Variants in KLHL32 observed in about 807,000 individuals in gnomAD.
KLHL32 encodes the protein kelch-like protein 32.
KLHL32 carries 35 observed loss-of-function variants against 64.8 expected under a neutral mutation model. That is an observed-to-expected ratio of 0.54 (90% CI 0.41 to 0.72). The LOEUF (loss-of-function observed/expected upper bound fraction) is 0.72. Among genes scored for constraint, KLHL32 ranks in the 30% least tolerant of loss-of-function variants. KLHL32 has a pLI of 0.00. For missense variants in KLHL32, 589 were observed against 768.5 expected (o/e 0.77, Z 2.76); for synonymous variants, 259 against 281.0 (o/e 0.92, Z 0.78).
chr6:97,085,307 G>T lies in KLHL32; in HGVS notation c.593G>T (p.Arg198Leu). 6.2e-7 allele frequency: 1 copy of T among 1,612,994 alleles called. No homozygotes were observed. Among genetic ancestry groups the T allele is most frequent in the Non-Finnish European group, 8.5e-7 (1 of 1,180,014 alleles). Residue 198 changes from arginine to leucine, a missense_variant, in exon 6 of 11, where the codon CGC becomes CTC. Transcript: ENST00000369261. ...CLLQEVLKSD[R>L]LTSLSEEQIW... is the part of the protein sequence containing the mutation. ...CTTCAGGAGGTGCTGAAGAGCGACC[G>T]CCTGACCTCCCTGAGTGAAGAGCAG...
intron 1 of KLHL32, among the ~76,000 whole-genome samples, chr6:96,932,561 AT>A (rs1437092681): frequency 2.8e-4 from 31 of 109,650 alleles, no homozygotes; most frequent in Non-Finnish European, 4.9e-4. Context: ...AAAGTTGTCA[AT>A]TTCCCCCCCC....
Position 97,139,192 on chromosome 6 carries a change from A to G in KLHL32, c.1773A>G (p.Gly591=), listed in dbSNP as rs1359084169. ...YGPTLPFASN[G]IAACFLPAPY... is the part of the protein sequence containing the mutation. ...CTACACTCCCTTTTGCTTCCAATGG[A>G]ATAGCAGCATGCTTCCTTCCAGCTC... Residue 591 remains glycine (G), a synonymous_variant, in exon 11 of 11, where the codon GGA becomes GGG. Transcript: ENST00000369261. 1 of 1,613,932 alleles carries G rather than the reference A, an allele frequency of 6.2e-7. No individual in the cohort carries two copies. Among genetic ancestry groups the G allele is most frequent in the Non-Finnish European group, 8.5e-7 (1 of 1,179,918 alleles).
At chr6:97,015,787 C>T (rs1324533663) in intron 3 of KLHL32, among the ~76,000 whole-genome samples, 1 of 151,934 alleles carries the variant, frequency 6.6e-6, no homozygotes, top group Non-Finnish European at 1.5e-5. Context: ...GGTGGCAGCC[C>T]CTCCCATCAG....
chr6:97,093,589 T>C (rs943312942), intron 6 of KLHL32, among the ~76,000 whole-genome samples: 57 of 152,206 alleles, frequency 3.7e-4, no homozygotes, highest in African/African-American at 1.4e-3. Context: ...CATTTCCTAA[T>C]ACATTACCAG....
chr6:97,127,801 G>A (rs1391938919), intron 8 of KLHL32, among the ~76,000 whole-genome samples: 1 of 152,168 alleles, frequency 6.6e-6, no homozygotes, highest in Non-Finnish European at 1.5e-5. Flanking sequence ...TAAAAAACAA[G>A]TATTAACTTA....
chr6:96,989,560 T>G lies in KLHL32; in HGVS notation c.204+13383T>G, dbSNP rs146731135. Among the ~76,000 whole-genome samples the G allele has an allele frequency of 3.5e-3, 527 of 152,338 alleles. 4 individuals are homozygous for G. The highest frequency in any genetic ancestry group is 5.8e-3 in the Non-Finnish European group (393 of 68,034). On this transcript the variant is annotated intron_variant, in intron 3 of 10. Transcript: ENST00000369261. ...TTTCTTTCATGTGAGCCTTGGAGAATCTGACAACTGTGCGTCTTGGGGATG... is the reference window on the plus strand; with the variant it reads ...TTTCTTTCATGTGAGCCTTGGAGAAGCTGACAACTGTGCGTCTTGGGGATG...
intron 7 of KLHL32, among the ~76,000 whole-genome samples, chr6:97,116,999 T>C (rs1797865698): frequency 6.6e-6 from 1 of 152,226 alleles, no homozygotes. Flanking sequence ...CTTTGCTGTG[T>C]ACAGTACAAT....
intron 3 of KLHL32, among the ~76,000 whole-genome samples, chr6:97,036,131 G>A (rs896907438): frequency 1.8e-4 from 28 of 151,692 alleles, no homozygotes; most frequent in Non-Finnish European, 3.2e-4. Context: ...GTTCTCTGTC[G>A]CATTTTTTTA....
intron 1 of KLHL32, among the ~76,000 whole-genome samples, chr6:96,943,119 T>C (rs373086183): frequency 1.3e-5 from 2 of 150,704 alleles, no homozygotes; most frequent in East Asian, 2.0e-4. Context: ...CATATACACA[T>C]ACCAGCATAT....
intron 3 of KLHL32, among the ~76,000 whole-genome samples, chr6:97,011,812 T>C (rs1452616498): frequency 1.3e-5 from 2 of 152,210 alleles, no homozygotes; most frequent in Admixed American, 1.3e-4. Flanking sequence ...GAAATAATGA[T>C]TGTTATTCAA....
chr6:97,060,933 C>G (rs752996720), intron 4 of KLHL32, among the ~76,000 whole-genome samples: 13 of 152,068 alleles, frequency 8.5e-5, no homozygotes, highest in African/African-American at 3.1e-4. Flanking sequence ...GGGAATCAGT[C>G]GTGGCCCTCT....
intron 6 of KLHL32, among the ~76,000 whole-genome samples, chr6:97,111,389 G>C (rs897573766): frequency 6.6e-6 from 1 of 152,210 alleles, no homozygotes; most frequent in South Asian, 2.1e-4. Context: ...ACCCCTTCAC[G>C]GGCGGGAACT....
chr6:97,010,109 A>T (rs1780178590), intron 3 of KLHL32: 1 of 143,588 alleles, frequency 7.0e-6, no homozygotes, highest in Non-Finnish European at 1.5e-5. Context: ...AAGGAAAAGG[A>T]TCAGGCACTG....
At chr6:97,107,271 C>T (rs908114114) in intron 6 of KLHL32, among the ~76,000 whole-genome samples, 1 of 147,020 alleles carries the variant, frequency 6.8e-6, no homozygotes, top group Admixed American at 6.7e-5. Flanking sequence ...CCGGCCTGGG[C>T]GAAAGGCAAG....
intron 6 of KLHL32, among the ~76,000 whole-genome samples, chr6:97,105,800 A>G (rs571352263): frequency 1.9e-4 from 29 of 152,314 alleles, no homozygotes; most frequent in African/African-American, 6.5e-4. Flanking sequence ...AGACAATGAC[A>G]TAGGGCTTTA....
At position 97,018,789 on chromosome 6, in the gene KLHL32, C is replaced by G. The variant is rs567994632; in HGVS notation, c.205-22703C>G. The stretch of plus-strand genomic sequence containing the variant: ...TATGCTGGCCAAAGTAACAATCTAT[C>G]AGATGACAGTTATGAACCTATATTC... On this transcript the variant is annotated intron_variant, in intron 3 of 10. Transcript: ENST00000369261. Among the ~76,000 whole-genome samples, 11 of 152,260 alleles carry G rather than the reference C, an allele frequency of 7.2e-5. 1 individual carries two copies. The South Asian group carries it at 2.3e-3, about 32-fold the overall frequency.
intron 4 of KLHL32, among the ~76,000 whole-genome samples, chr6:97,044,491 C>T (rs551887913): frequency 2.6e-5 from 4 of 152,070 alleles, no homozygotes; most frequent in Non-Finnish European, 5.9e-5. Flanking sequence ...CTTTGTCTGG[C>T]TTTGGTATCA....
chr6:96,977,613 G>A (rs137949939), intron 3 of KLHL32, among the ~76,000 whole-genome samples: 328 of 152,198 alleles, frequency 2.2e-3, no homozygotes, highest in Non-Finnish European at 3.7e-3. Context: ...AAATGTTACA[G>A]ACACCAACTT....
chr6:97,001,763 A>G (rs1230191068), intron 3 of KLHL32, among the ~76,000 whole-genome samples: 1 of 152,226 alleles, frequency 6.6e-6, no homozygotes, highest in African/African-American at 2.4e-5. Context: ...CTTAGTGTCA[A>G]AGTTGAGTGA....
Sources: allele counts gnomAD v4.1 joint callset (sites outside exome capture counted in the v4.1 genomes callset), GRCh38; gene constraint gnomAD v4.1.1; transcripts MANE v1.5; gene names NCBI Gene and HGNC (gene_info 2026-07-23, HGNC 2026-07-21).